Variants in SIPA1L2 observed in about 807,000 individuals in gnomAD.
SIPA1L2 encodes the protein signal induced proliferation associated 1 like 2.
SIPA1L2 carries 56 observed loss-of-function variants against 163.9 expected under a neutral mutation model. The ratio of observed to expected loss-of-function variants is 0.34; its 90% CI spans 0.28 to 0.43. SIPA1L2 has a LOEUF of 0.43. SIPA1L2 is among the 20% of genes least tolerant of loss of function. The probability of loss-of-function intolerance (pLI) is 1.00; values close to 1 mark genes in which losing one functional copy is unlikely to be tolerated. For synonymous variants in SIPA1L2, 877 were observed against 865.7 expected, an observed-to-expected ratio of 1.01 and a Z score of -0.23; for missense variants, 1,974 against 2,193.5, an observed-to-expected ratio of 0.90 and a Z score of 2.00.
chr1:232,525,081 C>A (rs1038491207), intron 2 of SIPA1L2, among the ~76,000 whole-genome samples: 9 of 151,796 alleles, frequency 5.9e-5, no homozygotes, highest in Admixed American at 5.3e-4. Flanking sequence ...CTTTTAAAGT[C>A]CCACACTAAG....
At chr1:232,434,327 T>C (rs1662423963) in intron 15 of SIPA1L2, among the ~76,000 whole-genome samples, 1 of 152,132 alleles carries the variant, frequency 6.6e-6, no homozygotes, top group African/African-American at 2.4e-5. Flanking sequence ...GGTCTCTGCG[T>C]TTTGGAAAAC....
chr1:232,414,159 T>A lies in SIPA1L2; in HGVS notation c.4762+1335A>T, dbSNP rs1029505211. ...ATTTCTACAAGGACTGAGTGGTTTG[T>A]AAAGAAAGCAGTCTCGTTCCTTCCA... On this transcript the variant is annotated intron_variant, in intron 19 of 22. Transcript: ENST00000674635. 3.3e-5 allele frequency among the ~76,000 whole-genome samples: 5 copies of A among 152,308 alleles called. No individual in the cohort carries two copies. In the South Asian group the frequency reaches 1.0e-3, roughly 32 times the overall value.
intron 22 of SIPA1L2, among the ~76,000 whole-genome samples, chr1:232,399,558 C>T (rs1480162026): frequency 6.6e-6 from 1 of 151,674 alleles, no homozygotes; most frequent in African/African-American, 2.4e-5. Context: ...TTTATATTAC[C>T]CTCTATCCAA....
In SIPA1L2 at chr1:232,398,993, G is replaced by A. The variant is rs1300636573; in HGVS notation, c.*134C>T. Reference sequence around the variant, plus strand: ...AGTCGAGGCTCCCTATCCTGCTGTGGTGAATGGTGCTACACAGAATGGAAC... The same window carrying A: ...AGTCGAGGCTCCCTATCCTGCTGTGATGAATGGTGCTACACAGAATGGAAC... On this transcript the variant is annotated 3_prime_UTR_variant, in exon 23 of 23. Coordinates refer to ENST00000674635, the MANE Select transcript of SIPA1L2 (RefSeq NM_020808.5). The A allele has an allele frequency of 3.2e-6, 4 of 1,241,162 alleles. No homozygotes were observed. Among genetic ancestry groups the A allele is most frequent in the Non-Finnish European group, 4.5e-6 (4 of 896,170 alleles). 76.9% of individuals were successfully genotyped at this position (1,241,162 alleles called of 1,614,324 possible). A position where few individuals can be genotyped will look rare whatever the true frequency, so the allele number is the denominator to read the frequency against.
intron 1 of SIPA1L2, among the ~76,000 whole-genome samples, chr1:232,623,905 A>G (rs930749601): frequency 5.9e-5 from 9 of 152,092 alleles, no homozygotes; most frequent in Non-Finnish European, 1.0e-4. Context: ...CTAACCAGTG[A>G]TAGTACAACA....
chr1:232,437,678 C>T (rs893898767), intron 15 of SIPA1L2, among the ~76,000 whole-genome samples: 2 of 152,078 alleles, frequency 1.3e-5, no homozygotes, highest in Admixed American at 6.5e-5. Context: ...CCCCAAGTGC[C>T]GTAGACGATG....
intron 1 of SIPA1L2, among the ~76,000 whole-genome samples, chr1:232,611,070 T>C (rs536138971): frequency 2.6e-5 from 4 of 152,200 alleles, no homozygotes; most frequent in South Asian, 4.2e-4. Flanking sequence ...CATCCTGTTC[T>C]TGTGGTAGTG....
intron 3 of SIPA1L2, among the ~76,000 whole-genome samples, chr1:232,509,721 GGAGTCCT>G (rs1558232583): frequency 3.9e-5 from 6 of 152,156 alleles, no homozygotes; most frequent in African/African-American, 1.4e-4. Flanking sequence ...GCCTCTGCCT[GGAGTCCT>G]TAATGGCTCA....
chr1:232,435,130 C>T (rs1446001364), intron 15 of SIPA1L2, among the ~76,000 whole-genome samples: 2 of 152,294 alleles, frequency 1.3e-5, no homozygotes, highest in South Asian at 2.1e-4. Context: ...AAGGCTGGGG[C>T]ACTCAAAGTC....
Position 232,425,783 on chromosome 1 carries a change from G to A in SIPA1L2, c.4436C>T (p.Pro1479Leu). ...RKFSFYGNLS[P>L]RRSLYRTLSD... ...CAGCGTGCGGTAAAGCGACCTCCTT[G>A]GAGACAGGTTCCCATAGAACGAAAA... The change falls in exon 18 of 23, where the codon CCA (proline) becomes CTA (leucine). Residue 1479 changes from proline (P) to leucine (L), a missense_variant. Coordinates refer to ENST00000674635, the MANE Select transcript of SIPA1L2 (RefSeq NM_020808.5). The A allele has an allele frequency of 6.2e-7, 1 of 1,613,968 alleles. No homozygotes were observed. Among genetic ancestry groups the A allele is most frequent in the Non-Finnish European group, 8.5e-7 (1 of 1,179,936 alleles).
chr1:232,434,689 A>G (rs940264622), intron 15 of SIPA1L2, among the ~76,000 whole-genome samples: 1 of 152,182 alleles, frequency 6.6e-6, no homozygotes, highest in Non-Finnish European at 1.5e-5. Context: ...CTAGACAACG[A>G]GCTCTGACGC....
intron 2 of SIPA1L2, among the ~76,000 whole-genome samples, chr1:232,570,523 T>C (rs1659660014): frequency 6.6e-6 from 1 of 152,230 alleles, no homozygotes; most frequent in Non-Finnish European, 1.5e-5. Context: ...ACTTCATTCA[T>C]ACTTTTTATC....
rs1329766790 is a variant in SIPA1L2 at position 232,465,821 on chromosome 1, G to A, written c.2244-405C>T. On this transcript the variant is annotated intron_variant, in intron 8 of 22. Transcript: ENST00000674635. The surrounding 1 kb of genome is among the most constrained non-coding windows in gnomAD (Gnocchi z 4.1). The stretch of plus-strand genomic sequence containing the variant: ...GTGGGCCCTAATCCAACTGACTGGT[G>A]TCCTTATAAGAGGAGAAAATTTGGG... 6.6e-6 allele frequency among the ~76,000 whole-genome samples: 1 copy of A among 151,758 alleles called. No homozygotes were observed. The highest frequency in any genetic ancestry group is 1.5e-5 in the Non-Finnish European group (1 of 67,976).
intron 1 of SIPA1L2, among the ~76,000 whole-genome samples, chr1:232,617,269 CA>C (rs2102883422): frequency 6.6e-6 from 1 of 152,298 alleles, no homozygotes; most frequent in East Asian, 1.9e-4. Context: ...AGCCAACTAA[CA>C]AAAGAAGCAC....
At chr1:232,444,514 C>A (rs920801114) in intron 11 of SIPA1L2, among the ~76,000 whole-genome samples, 1 of 152,192 alleles carries the variant, frequency 6.6e-6, no homozygotes, top group African/African-American at 2.4e-5. Context: ...ACCTCTCCTG[C>A]ATTCACTCTG....
chr1:232,426,923 C>A (rs1490208508), intron 17 of SIPA1L2, among the ~76,000 whole-genome samples: 1 of 152,210 alleles, frequency 6.6e-6, no homozygotes, highest in Non-Finnish European at 1.5e-5. Flanking sequence ...ATGTTCACAT[C>A]ATCAAACAAA....
intron 2 of SIPA1L2, among the ~76,000 whole-genome samples, chr1:232,518,021 T>C (rs1045294428): frequency 6.6e-6 from 1 of 152,162 alleles, no homozygotes; most frequent in East Asian, 1.9e-4. Flanking sequence ...CACCCCAGCA[T>C]GGGCAACAAA....
intron 18 of SIPA1L2, among the ~76,000 whole-genome samples, chr1:232,419,004 CA>C (rs1271018684): frequency 6.6e-6 from 1 of 152,092 alleles, no homozygotes; most frequent in Non-Finnish European, 1.5e-5. Flanking sequence ...AAAGAAAAGA[CA>C]ATAAATGAAT....
At chr1:232,451,808 T>C (rs575010082) in intron 10 of SIPA1L2, among the ~76,000 whole-genome samples, 3 of 152,072 alleles carry the variant, frequency 2.0e-5, no homozygotes, top group African/African-American at 7.2e-5. Flanking sequence ...CCATAACAAA[T>C]GTACACATCA....
Sources: allele counts gnomAD v4.1 joint callset (sites outside exome capture counted in the v4.1 genomes callset), GRCh38; gene constraint gnomAD v4.1.1; non-coding constraint Gnocchi (gnomAD v3.1); transcripts MANE v1.5; gene names NCBI Gene and HGNC (gene_info 2026-07-23, HGNC 2026-07-21).